The following SMPDL3B variants were observed in gnomAD, a reference collection of about 807,000 sequenced individuals.
SMPDL3B encodes sphingomyelin phosphodiesterase acid like 3B.
A neutral mutation model predicts 37.9 loss-of-function variants in SMPDL3B; 31 were observed. The observed-to-expected ratio is 0.82, with a 90% confidence interval of 0.61 to 1.10. The LOEUF (loss-of-function observed/expected upper bound fraction) is 1.10, where lower values mean the gene tolerates loss of function less well. Among genes scored for constraint, SMPDL3B ranks in the 50% least tolerant of loss-of-function variants. The probability of loss-of-function intolerance (pLI) is 0.00; values close to 1 mark genes in which losing one functional copy is unlikely to be tolerated. For synonymous variants in SMPDL3B, 235 were observed against 242.6 expected, an observed-to-expected ratio of 0.97 and a Z score of 0.29; for missense variants, 525 against 597.8, an observed-to-expected ratio of 0.88 and a Z score of 1.27.
At chr1:27,950,340 G>A (rs1411833531) in intron 3 of SMPDL3B, among the ~76,000 whole-genome samples, 1 of 152,194 alleles carries the variant, frequency 6.6e-6, no homozygotes, top group Non-Finnish European at 1.5e-5. Context: ...CTGTGGCTCC[G>A]AGCTAGTCGG....
intron 1 of SMPDL3B, among the ~76,000 whole-genome samples, chr1:27,941,263 G>C (rs577458149): frequency 8.6e-4 from 131 of 152,330 alleles, no homozygotes; most frequent in African/African-American, 3.0e-3. Context: ...TGGGGTCAGA[G>C]AGGTCTGGGT....
chr1:27,946,246 G>A (rs1030135366), intron 2 of SMPDL3B, among the ~76,000 whole-genome samples: 9 of 151,836 alleles, frequency 5.9e-5, no homozygotes, highest in African/African-American at 9.7e-5. Context: ...CCAGCTACTC[G>A]GGAGGCTGAG....
intron 1 of SMPDL3B, chr1:27,942,322 C>CA (rs11386058): frequency 1.7e-5 from 8 of 470,574 alleles, no homozygotes; most frequent in South Asian, 4.6e-5. Flanking sequence ...AGGGCCTCCC[C>CA]CAACATCCAT....
Position 27,945,265 on chromosome 1 carries a change from A to G in SMPDL3B, c.95A>G (p.Asp32Gly), listed in dbSNP as rs748200088. ...KFWHIADLHL[D>G]PDYKVSKDPF... ...TGGCACATCGCTGACCTGCACCTTG[A>G]CCCTGACTACAAGGTATCCAAAGAC... The change falls in exon 2 of 8, where the codon GAC becomes GGC. Residue 32 changes from aspartate to glycine, a missense_variant. By Grantham distance (94) the Asp-to-Gly change is moderately conservative. Coordinates refer to ENST00000373894, the MANE Select transcript of SMPDL3B (RefSeq NM_014474.4). The surrounding 1 kb of genome is among the most constrained non-coding windows in gnomAD (Gnocchi z 4.0). 3.7e-6 allele frequency: 6 copies of G among 1,614,052 alleles called. No homozygotes were observed. In the South Asian group the frequency reaches 6.6e-5, roughly 18 times the overall value.
chr1:27,938,635 C>G (rs1017542418), intron 1 of SMPDL3B, among the ~76,000 whole-genome samples: 1 of 152,208 alleles, frequency 6.6e-6, no homozygotes, highest in East Asian at 1.9e-4. Flanking sequence ...CCCTGACTTA[C>G]GAAGATTCCA....
intron 5 of SMPDL3B, among the ~76,000 whole-genome samples, chr1:27,955,059 C>G (rs1052434416): frequency 6.6e-6 from 1 of 152,198 alleles, no homozygotes; most frequent in Non-Finnish European, 1.5e-5. Context: ...TGCGGATGAT[C>G]TCAGGTAGCA....
In SMPDL3B at chr1:27,945,093, C is replaced by T. The variant is rs927452958; in HGVS notation, c.62-139C>T. 4.0e-5 allele frequency: 29 copies of T among 732,450 alleles called. No individual in the cohort carries two copies. In the African/African-American group the frequency reaches 4.7e-4, roughly 12 times the overall value. 45.4% of individuals were successfully genotyped at this position (732,450 alleles called of 1,614,324 possible). A position where few individuals can be genotyped will look rare whatever the true frequency, so the allele number is the denominator to read the frequency against. ...GCAGAGCCAGGCCTGTGGGCCTTTT[C>T]TCTGAACCCGGGGTGCTCAGAGAAG... On this transcript the variant is annotated intron_variant, in intron 1 of 7. Transcript: ENST00000373894. The surrounding 1 kb of genome is among the most constrained non-coding windows in gnomAD (Gnocchi z 4.0).
intron 1 of SMPDL3B, among the ~76,000 whole-genome samples, chr1:27,944,553 C>T (rs993829983): frequency 6.6e-6 from 1 of 151,806 alleles, no homozygotes. Flanking sequence ...ATGAGGTCCG[C>T]CTATGTAGCC....
In SMPDL3B at chr1:27,945,618, A is replaced by T. The variant is rs1037605105; in HGVS notation, c.275+173A>T. On this transcript the variant is annotated intron_variant, in intron 2 of 7. Coordinates refer to ENST00000373894, the MANE Select transcript of SMPDL3B (RefSeq NM_014474.4). This position sits in a 1 kb window ranked among gnomAD's most constrained non-coding sequence, Gnocchi z 4.0. ...AACTTGCCCGGGGATTCCTGAGTCC[A>T]ACTGATTCCACAGTCTGTGTCCTCG... 6.6e-6 allele frequency among the ~76,000 whole-genome samples: 1 copy of T among 152,214 alleles called. No individual in the cohort carries two copies. Among genetic ancestry groups the T allele is most frequent in the Non-Finnish European group, 1.5e-5 (1 of 68,032 alleles).
At chr1:27,954,112 C>T (rs752232983) in intron 4 of SMPDL3B, among the ~76,000 whole-genome samples, 3 of 152,190 alleles carry the variant, frequency 2.0e-5, no homozygotes, top group South Asian at 4.1e-4. Flanking sequence ...ATAAGGAAAC[C>T]GAAGTATAGA....
chr1:27,941,225 C>T (rs2090355815), intron 1 of SMPDL3B, among the ~76,000 whole-genome samples: 2 of 152,204 alleles, frequency 1.3e-5, no homozygotes, highest in South Asian at 2.1e-4. Context: ...TCCAAGTCAA[C>T]AGGCATGACG....
At chr1:27,948,907 T>C in intron 2 of SMPDL3B, 158 bp from the exon 3 acceptor site, 2 of 1,392,954 alleles carry the variant, frequency 1.4e-6, no homozygotes, top group Non-Finnish European at 2.0e-6. Context: ...TTCTCAGCTC[T>C]GTCCCATCTG....
At position 27,956,019 on chromosome 1, in the gene SMPDL3B, C is replaced by T; in HGVS notation, c.942C>T (p.Val314=). ...GGAAAACCACATTACCTGGAGTGGT[C>T]AATGGGGCCAACAATCCAGCCATCC... The part of the protein sequence containing the change: ...TPWKTTLPGV[V]NGANNPAIRV... Residue 314 remains valine, a synonymous_variant, in exon 7 of 8, where the codon GTC becomes GTT. Coordinates refer to ENST00000373894, the MANE Select transcript of SMPDL3B (RefSeq NM_014474.4). 2 of 1,614,114 alleles carry T rather than the reference C, an allele frequency of 1.2e-6. No homozygotes were observed. Among genetic ancestry groups the T allele is most frequent in the Non-Finnish European group, 1.7e-6 (2 of 1,180,018 alleles).
At chr1:27,946,812 C>G (rs898811981) in intron 2 of SMPDL3B, among the ~76,000 whole-genome samples, 2 of 152,138 alleles carry the variant, frequency 1.3e-5, no homozygotes, top group African/African-American at 2.4e-5. Flanking sequence ...ATGAACCTGC[C>G]AGGCTGGACA....
chr1:27,955,942 C>T lies in SMPDL3B; in HGVS notation c.872-7C>T. 1.2e-6 allele frequency: 2 copies of T among 1,614,006 alleles called. No individual in the cohort carries two copies. ...CCCGCTCAGTCCTGCTGTCTCTCTC[C>T]TGACAGGTGTCCCCATAAGCGCCAT... On this transcript the variant is annotated splice_polypyrimidine_tract_variant and splice_region_variant and intron_variant, in intron 6 of 7. Coordinates refer to ENST00000373894, the MANE Select transcript of SMPDL3B (RefSeq NM_014474.4).
intron 3 of SMPDL3B, among the ~76,000 whole-genome samples, chr1:27,950,280 C>T (rs930932211): frequency 6.6e-6 from 1 of 152,158 alleles, no homozygotes; most frequent in Admixed American, 6.5e-5. Flanking sequence ...CAGGACATTC[C>T]CCTGACCCCA....
In SMPDL3B at chr1:27,955,819, G is replaced by A. The variant is rs141531357; in HGVS notation, c.826G>A (p.Gly276Arg). 3.8e-5 allele frequency: 61 copies of A among 1,614,014 alleles called. No individual in the cohort carries two copies. In the African/African-American group the frequency reaches 5.6e-4, roughly 15 times the overall value. ...TCGCGTCATAGCAGGGCAGTTCTTC[G>A]GGCACCACCACACCGACAGCTTTCG... ...HHRVIAGQFF[G>R]HHHTDSFRML... The change falls in exon 6 of 8, where the codon GGG (glycine) becomes AGG (arginine). Residue 276 changes from glycine (G) to arginine (R), a missense_variant. Physicochemically the swap from Gly to Arg is moderately radical, Grantham distance 125. Transcript: ENST00000373894.
chr1:27,937,115 TGG>T (rs2090316499), intron 1 of SMPDL3B, among the ~76,000 whole-genome samples: 1 of 152,180 alleles, frequency 6.6e-6, no homozygotes, highest in African/African-American at 2.4e-5. Context: ...GAAGCACAGG[TGG>T]ATTCTGAGAC....
rs926963941 is a variant in SMPDL3B at position 27,938,768 on chromosome 1, C to A, written c.61+3524C>A. The A allele has an allele frequency of 2.0e-5, 3 of 152,346 alleles. No individual in the cohort carries two copies. In the East Asian group the frequency reaches 5.8e-4, roughly 29 times the overall value. 9.4% of individuals were successfully genotyped at this position (152,346 alleles called of 1,614,324 possible). A position where few individuals can be genotyped will look rare whatever the true frequency, so the allele number is the denominator to read the frequency against. On this transcript the variant is annotated intron_variant, in intron 1 of 7. Transcript: ENST00000373894. ...TTAATACATTGCAAGAGACATTCAA[C>A]ACTTAATTATAAAATAGGTCTGCAT...
Sources: allele counts gnomAD v4.1 joint callset (sites outside exome capture counted in the v4.1 genomes callset), GRCh38; gene constraint gnomAD v4.1.1; non-coding constraint Gnocchi (gnomAD v3.1); transcripts MANE v1.5; gene names NCBI Gene and HGNC (gene_info 2026-07-23, HGNC 2026-07-21).